CNTNAP2: variants seen among roughly 807,000 people sequenced by gnomAD.
CNTNAP2 encodes the protein contactin associated protein 2.
In CNTNAP2, 98 loss-of-function variants were observed where a neutral mutation model predicts 155.2. That is an observed-to-expected ratio of 0.63 (90% CI 0.54 to 0.75). The LOEUF is 0.75. CNTNAP2 is among the 30% of genes least tolerant of loss of function. CNTNAP2 has a pLI of 0.00. For missense variants in CNTNAP2, 1,727 were observed against 1,688.1 expected (o/e 1.02, Z -0.40); for synonymous variants, 651 against 631.2 (o/e 1.03, Z -0.47).
At chr7:146,997,877 A>G (rs1798341949) in intron 3 of CNTNAP2, among the ~76,000 whole-genome samples, 1 of 152,038 alleles carries the variant, frequency 6.6e-6, no homozygotes, top group Non-Finnish European at 1.5e-5. Context: ...TTGTATACCT[A>G]TGGCATTGGT....
At chr7:147,375,730 T>G (rs1796422903) in intron 9 of CNTNAP2, among the ~76,000 whole-genome samples, 1 of 152,102 alleles carries the variant, frequency 6.6e-6, no homozygotes, top group Non-Finnish European at 1.5e-5. Context: ...TCACTTCTCA[T>G]GGACTTCATT....
At chr7:147,507,602 G>A (rs1325738658) in intron 11 of CNTNAP2, among the ~76,000 whole-genome samples, 3 of 138,354 alleles carry the variant, frequency 2.2e-5, no homozygotes, top group Non-Finnish European at 4.5e-5. Flanking sequence ...ACCCAGGCTG[G>A]AGTGCAGTAG....
chr7:148,388,366 T>C (rs564801667), intron 22 of CNTNAP2, among the ~76,000 whole-genome samples: 196 of 144,272 alleles, frequency 1.4e-3, no homozygotes, highest in African/African-American at 4.8e-3. Flanking sequence ...CATTGTTCAA[T>C]TCCCACCTAT....
chr7:147,687,298 T>G (rs1796028325), intron 13 of CNTNAP2, among the ~76,000 whole-genome samples: 1 of 152,150 alleles, frequency 6.6e-6, no homozygotes, highest in Non-Finnish European at 1.5e-5. Context: ...ATGGGTGCAT[T>G]GCCTTGTATA....
At chr7:146,570,659 C>T (rs60805860) in intron 1 of CNTNAP2, among the ~76,000 whole-genome samples, 3,278 of 152,076 alleles carry the variant, frequency 0.022, 138 homozygotes, top group African/African-American at 0.073. Flanking sequence ...ATGAAATTGT[C>T]TATATATGCT....
At chr7:148,197,859 T>C (rs948504248) in intron 18 of CNTNAP2, among the ~76,000 whole-genome samples, 2 of 152,198 alleles carry the variant, frequency 1.3e-5, no homozygotes, top group East Asian at 3.8e-4. Flanking sequence ...CATTGAAAAC[T>C]AGGCTTCCTA....
chr7:147,666,801 A>T (rs1584888191), intron 13 of CNTNAP2, among the ~76,000 whole-genome samples: 1 of 152,376 alleles, frequency 6.6e-6, no homozygotes, highest in East Asian at 1.9e-4. Flanking sequence ...TAAGAGGTAC[A>T]AAGATGGAAA....
At position 148,122,204 on chromosome 7, in the gene CNTNAP2, A is replaced by T. The variant is rs557247764; in HGVS notation, c.2554+3916A>T. Among the ~76,000 whole-genome samples, 13 of 152,330 alleles carry T rather than the reference A, an allele frequency of 8.5e-5. No homozygotes were observed. In the South Asian group the frequency reaches 2.5e-3, roughly 29 times the overall value. On this transcript the variant is annotated intron_variant, in intron 16 of 23. Coordinates refer to ENST00000361727, the MANE Select transcript of CNTNAP2 (RefSeq NM_014141.6). The stretch of plus-strand genomic sequence containing the variant: ...GTTGCCTGGCCAAGGTCATACAGCC[A>T]GGAAGTGGCAGAGCTGGTGTTTGAC...
chr7:146,488,929 G>A (rs1279224224), intron 1 of CNTNAP2, among the ~76,000 whole-genome samples: 2 of 152,286 alleles, frequency 1.3e-5, no homozygotes, highest in Admixed American at 6.5e-5. Flanking sequence ...CACAACAGAA[G>A]TTTTTGAGCT....
At chr7:147,933,329 C>T (rs1439648556) in intron 14 of CNTNAP2, among the ~76,000 whole-genome samples, 1 of 152,016 alleles carries the variant, frequency 6.6e-6, no homozygotes. Flanking sequence ...GCCATTTACT[C>T]CCCCAAAATT....
chr7:147,556,258 A>G (rs1393021388), intron 11 of CNTNAP2, among the ~76,000 whole-genome samples: 1 of 141,784 alleles, frequency 7.1e-6, no homozygotes, highest in African/African-American at 2.4e-5. Flanking sequence ...TGCTTAATAA[A>G]AGTTATTCTT....
At chr7:148,326,733 T>C (rs377597634) in intron 21 of CNTNAP2, among the ~76,000 whole-genome samples, 2 of 151,732 alleles carry the variant, frequency 1.3e-5, no homozygotes, top group Non-Finnish European at 2.9e-5. Context: ...GGCATGGTGG[T>C]GGGCACCTGT....
At chr7:147,462,440 G>C (rs999907037) in intron 10 of CNTNAP2, among the ~76,000 whole-genome samples, 4 of 152,136 alleles carry the variant, frequency 2.6e-5, no homozygotes, top group African/African-American at 9.7e-5. Context: ...TCTCTAGAAA[G>C]CATTTCATTT....
At chr7:147,190,050 C>A (rs914081534) in intron 8 of CNTNAP2, among the ~76,000 whole-genome samples, 3 of 152,060 alleles carry the variant, frequency 2.0e-5, no homozygotes, top group Non-Finnish European at 4.4e-5. Flanking sequence ...ACCCTTAACA[C>A]CACTTTTTGA....
chr7:148,026,331 G>A (rs1802375387), intron 15 of CNTNAP2, among the ~76,000 whole-genome samples: 1 of 151,064 alleles, frequency 6.6e-6, no homozygotes, highest in South Asian at 2.1e-4. Flanking sequence ...CAGGCCTATA[G>A]TCACAGCTAC....
intron 12 of CNTNAP2, among the ~76,000 whole-genome samples, chr7:147,636,448 TA>T (rs1307936594): frequency 3.3e-5 from 5 of 152,168 alleles, no homozygotes; most frequent in African/African-American, 1.2e-4. Context: ...TATTTTCCTT[TA>T]AGTTCTTGGA....
intron 3 of CNTNAP2, among the ~76,000 whole-genome samples, chr7:146,872,212 G>T (rs1373616044): frequency 7.2e-6 from 1 of 138,402 alleles, no homozygotes; most frequent in Non-Finnish European, 1.5e-5. Flanking sequence ...TCATGGGAAG[G>T]TACGTCATCC....
intron 9 of CNTNAP2, among the ~76,000 whole-genome samples, chr7:147,314,515 C>G (rs1007609796): frequency 6.6e-6 from 1 of 151,048 alleles, no homozygotes; most frequent in African/African-American, 2.4e-5. Flanking sequence ...GAAGAGAGAC[C>G]TTCTCTGTTT....
intron 13 of CNTNAP2, among the ~76,000 whole-genome samples, chr7:147,824,945 T>C (rs548425251): frequency 6.6e-6 from 1 of 152,186 alleles, no homozygotes; most frequent in South Asian, 2.1e-4. Flanking sequence ...TTAACGTGGA[T>C]TGAGGAAGTA....
Sources: gnomAD v4.1 joint callset for allele counts (sites outside exome capture counted in the v4.1 genomes callset) on GRCh38, gnomAD v4.1.1 for gene constraint, MANE v1.5 for transcripts, NCBI Gene and HGNC (gene_info 2026-07-23, HGNC 2026-07-21) for gene names.